The following CMSS1 variants were observed in gnomAD, a reference collection of about 807,000 sequenced individuals.
CMSS1 encodes the protein cms1 ribosomal small subunit homolog.
In CMSS1, 33 loss-of-function variants were observed where a neutral mutation model predicts 43.5. That is an observed-to-expected ratio of 0.76 (90% CI 0.57 to 1.01). The LOEUF is 1.01. Ranked by LOEUF, CMSS1 falls within the 50% of genes least tolerant of loss-of-function variation. The probability of loss-of-function intolerance (pLI) is 0.00; values close to 1 mark genes in which losing one functional copy is unlikely to be tolerated. For missense variants in CMSS1, 313 were observed against 326.4 expected, an observed-to-expected ratio of 0.96 and a Z score of 0.32; for synonymous variants, 115 against 117.2, an observed-to-expected ratio of 0.98 and a Z score of 0.12.
At chr3:100,139,618 T>C (rs1400879150) in intron 1 of CMSS1, among the ~76,000 whole-genome samples, 1 of 148,614 alleles carries the variant, frequency 6.7e-6, no homozygotes, top group Non-Finnish European at 1.5e-5. Flanking sequence ...TGTGTGTATA[T>C]ATATATATAT....
intron 1 of CMSS1, among the ~76,000 whole-genome samples, chr3:99,982,534 G>A (rs910595339): frequency 6.6e-6 from 1 of 151,956 alleles, no homozygotes; most frequent in African/African-American, 2.4e-5. Flanking sequence ...TAGAATAAGA[G>A]TCTCTCACTC....
chr3:99,970,025 CAGTT>C (rs1214043090), intron 1 of CMSS1, among the ~76,000 whole-genome samples: 1 of 152,158 alleles, frequency 6.6e-6, no homozygotes, highest in Non-Finnish European at 1.5e-5. Flanking sequence ...AAGGAATAAT[CAGTT>C]AGGCATTGGC....
intron 1 of CMSS1, among the ~76,000 whole-genome samples, chr3:100,022,999 G>A (rs1027056346): frequency 6.6e-6 from 1 of 152,074 alleles, no homozygotes; most frequent in South Asian, 2.1e-4. Context: ...TGACATTTTT[G>A]CCTGCTGTTA....
chr3:99,837,014 A>C (rs888288355), intron 1 of CMSS1, among the ~76,000 whole-genome samples: 9 of 152,252 alleles, frequency 5.9e-5, no homozygotes, highest in Non-Finnish European at 1.0e-4. Flanking sequence ...TTTGGCCTAA[A>C]AAAATAGTAA....
At chr3:99,963,863 G>T (rs1175509842) in intron 1 of CMSS1, among the ~76,000 whole-genome samples, 1 of 152,042 alleles carries the variant, frequency 6.6e-6, no homozygotes, top group African/African-American at 2.4e-5. Flanking sequence ...TGATCTGCCT[G>T]CCTCAGCCTC....
intron 1 of CMSS1, among the ~76,000 whole-genome samples, chr3:100,102,451 G>A (rs1328302346): frequency 6.6e-6 from 1 of 152,106 alleles, no homozygotes; most frequent in African/African-American, 2.4e-5. Flanking sequence ...AGAAGAAATT[G>A]GATCCTCATC....
chr3:100,059,965 T>G (rs1189147880), intron 1 of CMSS1, among the ~76,000 whole-genome samples: 1 of 150,716 alleles, frequency 6.6e-6, no homozygotes, highest in African/African-American at 2.5e-5. Context: ...CACATATGTA[T>G]GAAATGATTA....
intron 1 of CMSS1, among the ~76,000 whole-genome samples, chr3:99,857,906 A>G (rs902581367): frequency 6.6e-6 from 1 of 152,236 alleles, no homozygotes; most frequent in African/African-American, 2.4e-5. Flanking sequence ...TATACAAACA[A>G]CAAAGACAAT....
intron 1 of CMSS1, among the ~76,000 whole-genome samples, chr3:100,091,038 A>C (rs541317994): frequency 3.0e-4 from 45 of 152,152 alleles, no homozygotes; most frequent in African/African-American, 9.6e-4. Context: ...GTAATCCCAG[A>C]ACTTTGGGAG....
chr3:99,838,028 C>G (rs2107498950), intron 1 of CMSS1, among the ~76,000 whole-genome samples: 1 of 152,334 alleles, frequency 6.6e-6, no homozygotes, highest in East Asian at 1.9e-4. Context: ...TCTATCCCAT[C>G]ATCTCTGAGG....
chr3:99,908,822 T>C (rs1706702463), intron 1 of CMSS1, among the ~76,000 whole-genome samples: 1 of 152,212 alleles, frequency 6.6e-6, no homozygotes, highest in Non-Finnish European at 1.5e-5. Context: ...TTGTATTTTT[T>C]GTATAGAATA....
At chr3:99,902,979 T>A (rs1706486415) in intron 1 of CMSS1, among the ~76,000 whole-genome samples, 1 of 152,206 alleles carries the variant, frequency 6.6e-6, no homozygotes, top group Non-Finnish European at 1.5e-5. Flanking sequence ...AACCTAGAAC[T>A]GTTAGAATCT....
intron 1 of CMSS1, among the ~76,000 whole-genome samples, chr3:99,992,220 T>A (rs1266454574): frequency 1.3e-5 from 2 of 152,020 alleles, no homozygotes; most frequent in Non-Finnish European, 2.9e-5. Context: ...GGTAGTTCTA[T>A]TTTTAGCTAT....
chr3:99,832,176 A>G (rs954699341), intron 1 of CMSS1, among the ~76,000 whole-genome samples: 1 of 151,176 alleles, frequency 6.6e-6, no homozygotes, highest in Non-Finnish European at 1.5e-5. Flanking sequence ...TTACCTCTAG[A>G]TGGCAGCAAA....
intron 1 of CMSS1, among the ~76,000 whole-genome samples, chr3:99,847,098 T>C (rs1286355178): frequency 6.6e-6 from 1 of 152,192 alleles, no homozygotes; most frequent in Admixed American, 6.5e-5. Context: ...ACAGAAGAAA[T>C]TCACACTATA....
intron 1 of CMSS1, chr3:99,851,028 C>T: frequency 6.2e-7 from 1 of 1,609,168 alleles, no homozygotes; most frequent in Non-Finnish European, 8.5e-7. Context: ...CTTGCTCCTT[C>T]TCCTCCTGAG....
At chr3:99,827,188 C>G (rs946694863) in intron 1 of CMSS1, among the ~76,000 whole-genome samples, 1 of 152,026 alleles carries the variant, frequency 6.6e-6, no homozygotes, top group Non-Finnish European at 1.5e-5. Context: ...TAAAATATAA[C>G]TTTATTTATT....
chr3:100,017,771 A>C (rs1389512085), intron 1 of CMSS1, among the ~76,000 whole-genome samples: 3 of 152,026 alleles, frequency 2.0e-5, no homozygotes, highest in Admixed American at 2.0e-4. Flanking sequence ...AAAATAATAC[A>C]AAAAAAAGAA....
At chr3:99,968,857 G>A (rs1708730897) in intron 1 of CMSS1, among the ~76,000 whole-genome samples, 1 of 152,174 alleles carries the variant, frequency 6.6e-6, no homozygotes, top group Non-Finnish European at 1.5e-5. Context: ...TAAATGGGTA[G>A]GGTAAGAAAG....
Sources: allele counts gnomAD v4.1 joint callset (sites outside exome capture counted in the v4.1 genomes callset), GRCh38; gene constraint gnomAD v4.1.1; transcripts MANE v1.5; gene names NCBI Gene and HGNC (gene_info 2026-07-23, HGNC 2026-07-21).